ELMO1: variants seen among roughly 807,000 people sequenced by gnomAD.
The protein encoded by ELMO1 is engulfment and cell motility protein 1.
Under a neutral mutation model 98.9 loss-of-function variants are expected in ELMO1, and 26 were observed. The ratio of observed to expected loss-of-function variants is 0.26; its 90% confidence interval spans 0.19 to 0.36. The LOEUF (loss-of-function observed/expected upper bound fraction) is 0.36, where lower values mean the gene tolerates loss of function less well. Among genes scored for constraint, ELMO1 ranks in the 10% least tolerant of loss-of-function variants. ELMO1 has a pLI of 1.00. For missense variants in ELMO1, 627 were observed against 935.2 expected (o/e 0.67, Z 4.30); for synonymous variants, 346 against 346.0 (o/e 1.00, Z 0.00).
chr7:37,206,763 T>C (rs905542755), intron 13 of ELMO1, among the ~76,000 whole-genome samples: 2 of 152,122 alleles, frequency 1.3e-5, no homozygotes, highest in African/African-American at 4.8e-5. Context: ...TCCTGAAATA[T>C]GATGAAATTT....
chr7:37,434,218 T>A (rs1348282390), intron 1 of ELMO1, among the ~76,000 whole-genome samples: 1 of 151,992 alleles, frequency 6.6e-6, no homozygotes, highest in Non-Finnish European at 1.5e-5. Context: ...TACCTTGAGG[T>A]TTATAATTTT....
intron 16 of ELMO1, among the ~76,000 whole-genome samples, chr7:36,913,837 A>G (rs760830906): frequency 1.3e-5 from 2 of 152,186 alleles, no homozygotes; most frequent in Non-Finnish European, 2.9e-5. Context: ...GAATCCTCCA[A>G]TCATACAGCA....
At chr7:37,182,008 C>G (rs1044889437) in intron 13 of ELMO1, among the ~76,000 whole-genome samples, 1 of 123,906 alleles carries the variant, frequency 8.1e-6, no homozygotes, top group African/African-American at 3.2e-5. Context: ...CTCCAATTGC[C>G]CCCCTCTCAA....
At chr7:37,129,378 G>A (rs1786749512) in intron 14 of ELMO1, among the ~76,000 whole-genome samples, 1 of 152,204 alleles carries the variant, frequency 6.6e-6, no homozygotes. Context: ...GAATAAGAAT[G>A]CTTAAGGAGT....
Position 36,853,541 on chromosome 7 carries a change from C to T in ELMO1, c.*2010G>A, listed in dbSNP as rs377533095. Among the ~76,000 whole-genome samples the T allele has an allele frequency of 1.3e-3, 200 of 152,290 alleles. No homozygotes were observed. The highest frequency in any genetic ancestry group is 4.5e-3 in the African/African-American group (189 of 41,554). On this transcript the variant is annotated 3_prime_UTR_variant, in exon 22 of 22. Transcript: ENST00000310758. ...GATAGCAAGTACATGTTAATAACAT[C>T]GAAGCTTAATGATCAAGGAATTAAC...
rs185553557 is a variant in ELMO1, at chr7:36,867,758, G to A, written c.1905+2635C>T. On this transcript the variant is annotated intron_variant, in intron 20 of 21. Coordinates refer to ENST00000310758, the MANE Select transcript of ELMO1 (RefSeq NM_014800.11). ...TAATTTCTCTTGGGAATTCTTCCTG[G>A]AACTGTGGGTTATTTACAAGTGTGT... 1.5e-3 allele frequency among the ~76,000 whole-genome samples: 223 copies of A among 152,134 alleles called. 1 individual carries two copies. Among genetic ancestry groups the A allele is most frequent in the Admixed American group, 4.1e-3 (62 of 15,284 alleles).
chr7:37,228,047 G>C (rs947371567), intron 8 of ELMO1, among the ~76,000 whole-genome samples: 1 of 152,198 alleles, frequency 6.6e-6, no homozygotes, highest in African/African-American at 2.4e-5. Flanking sequence ...ACAGTCCTAT[G>C]TACAAGTCTG....
chr7:37,148,361 A>G (rs1217544548), intron 13 of ELMO1, among the ~76,000 whole-genome samples: 1 of 152,246 alleles, frequency 6.6e-6, no homozygotes, highest in Non-Finnish European at 1.5e-5. Flanking sequence ...TCTGAATTTA[A>G]GGCAAACTTT....
intron 14 of ELMO1, among the ~76,000 whole-genome samples, chr7:37,120,658 T>A (rs1785949775): frequency 6.6e-6 from 1 of 152,148 alleles, no homozygotes; most frequent in Non-Finnish European, 1.5e-5. Flanking sequence ...CCACCTCAGC[T>A]CAAGGAGGCC....
intron 15 of ELMO1, among the ~76,000 whole-genome samples, chr7:37,061,766 G>C (rs904464971): frequency 6.6e-6 from 1 of 152,086 alleles, no homozygotes; most frequent in Admixed American, 6.5e-5. Flanking sequence ...TAAATACACC[G>C]AATGGCATCA....
intron 18 of ELMO1, among the ~76,000 whole-genome samples, chr7:36,884,191 C>T (rs977712893): frequency 4.0e-5 from 6 of 151,858 alleles, no homozygotes; most frequent in African/African-American, 1.2e-4. Flanking sequence ...GGCATGGTGG[C>T]GGGTGCCTGT....
In ELMO1 at chr7:37,087,893, G is replaced by A. The variant is rs572106392; in HGVS notation, c.1300+8726C>T. Among the ~76,000 whole-genome samples, 194 of 152,318 alleles carry A rather than the reference G, an allele frequency of 1.3e-3. 2 individuals carry two copies. Among genetic ancestry groups the A allele is most frequent in the Middle Eastern group, 6.8e-3 (2 of 294 alleles). The stretch of plus-strand genomic sequence containing the variant: ...CATAACAAAGAGACACAGATAAAGT[G>A]CTACAGGAGTTCTGAGGGAGCTGTA... On this transcript the variant is annotated intron_variant, in intron 15 of 21. Transcript: ENST00000310758.
At chr7:37,233,228 C>G in intron 7 of ELMO1, 34 bp from the exon 8 acceptor site, 1 of 1,571,346 alleles carries the variant, frequency 6.4e-7, no homozygotes, top group Non-Finnish European at 8.6e-7. Context: ...GAGTCAAGAG[C>G]CCCAAAGCTG....
intron 4 of ELMO1, among the ~76,000 whole-genome samples, chr7:37,313,518 C>A (rs1242838022): frequency 6.6e-6 from 1 of 152,174 alleles, no homozygotes; most frequent in Non-Finnish European, 1.5e-5. Context: ...AGCCACCGCA[C>A]CTGGCCCAGT....
chr7:36,973,964 G>C (rs548506046), intron 16 of ELMO1, among the ~76,000 whole-genome samples: 2 of 152,328 alleles, frequency 1.3e-5, no homozygotes, highest in East Asian at 1.9e-4. Flanking sequence ...CTGGGCCTTA[G>C]CTGCCTTCCC....
intron 11 of ELMO1, among the ~76,000 whole-genome samples, chr7:37,214,899 T>G (rs935470409): frequency 6.6e-6 from 1 of 152,180 alleles, no homozygotes; most frequent in Admixed American, 6.5e-5. Flanking sequence ...TGAGACAGGG[T>G]GAACACAGTC....
chr7:36,904,150 T>C (rs914364072), intron 16 of ELMO1, among the ~76,000 whole-genome samples: 4 of 152,222 alleles, frequency 2.6e-5, no homozygotes, highest in South Asian at 2.1e-4. Flanking sequence ...AGAATCTCCA[T>C]CAGAGCTGGG....
intron 15 of ELMO1, among the ~76,000 whole-genome samples, chr7:37,079,148 CCT>C (rs1230668867): frequency 6.6e-6 from 1 of 152,016 alleles, no homozygotes; most frequent in Non-Finnish European, 1.5e-5. Context: ...TCAAATTTTC[CCT>C]CTCTACCAAA....
At chr7:37,267,458 G>A (rs1796326324) in intron 5 of ELMO1, among the ~76,000 whole-genome samples, 1 of 152,240 alleles carries the variant, frequency 6.6e-6, no homozygotes, top group South Asian at 2.1e-4. Context: ...ACGCGTGTGT[G>A]TGTGTGTTCA....
Sources: allele counts gnomAD v4.1 joint callset (sites outside exome capture counted in the v4.1 genomes callset), GRCh38; gene constraint gnomAD v4.1.1; transcripts MANE v1.5; gene names NCBI Gene and HGNC (gene_info 2026-07-23, HGNC 2026-07-21).